Variants in NAV3 observed in about 807,000 individuals in gnomAD.
The protein encoded by NAV3 is neuron navigator 3, also known as pore membrane and/or filament interacting like protein 1.
NAV3 carries 87 observed loss-of-function variants against 244.7 expected under a neutral mutation model. That is an observed-to-expected ratio of 0.36 (90% CI 0.30 to 0.42). The LOEUF (loss-of-function observed/expected upper bound fraction) is 0.42, where lower values mean the gene tolerates loss of function less well. NAV3 is among the 20% of genes least tolerant of loss of function. The pLI, the probability that NAV3 is intolerant of heterozygous loss-of-function variation, is 1.00. For synonymous variants in NAV3, 1,126 were observed against 1,042.2 expected, an observed-to-expected ratio of 1.08 and a Z score of -1.55; for missense variants, 2,663 against 2,893.3, an observed-to-expected ratio of 0.92 and a Z score of 1.83.
intron 2 of NAV3, among the ~76,000 whole-genome samples, chr12:77,658,090 G>T (rs1873214585): frequency 1.3e-5 from 2 of 151,844 alleles, no homozygotes; most frequent in African/African-American, 4.8e-5. Flanking sequence ...TCAACATAGT[G>T]TTGGAAGTTC....
Position 77,805,234 on chromosome 12 carries a change from T to C in NAV3, c.73-135085T>C, listed in dbSNP as rs551028102. Among the ~76,000 whole-genome samples the C allele has an allele frequency of 3.3e-5, 5 of 152,318 alleles. 1 individual carries two copies. In the East Asian group the frequency reaches 7.7e-4, roughly 24 times the overall value. On this transcript the variant is annotated intron_variant, in intron 2 of 8. Coordinates refer to the NAV3 transcript ENST00000550042. ...TAGGAGTGGTGAGAGAGGGCGTCCT[T>C]TTCTTGTGCAGGTTTTCAAAGGAAA...
intron 17 of NAV3, among the ~76,000 whole-genome samples, chr12:78,127,446 T>A (rs886264900): frequency 6.6e-6 from 1 of 152,170 alleles, no homozygotes; most frequent in Non-Finnish European, 1.5e-5. Context: ...AATATCACTA[T>A]TTTGAAGAAA....
chr12:78,040,191 G>A (rs1486208936), intron 9 of NAV3, among the ~76,000 whole-genome samples: 1 of 152,004 alleles, frequency 6.6e-6, no homozygotes, highest in Non-Finnish European at 1.5e-5. Flanking sequence ...GCCTTTTGTG[G>A]GTCATTGAAA....
chr12:77,959,638 T>C (rs541583843), intron 3 of NAV3, among the ~76,000 whole-genome samples: 1 of 152,146 alleles, frequency 6.6e-6, no homozygotes, highest in Non-Finnish European at 1.5e-5. Context: ...AAAAATCAGC[T>C]AAAATGATTA....
intron 2 of NAV3, among the ~76,000 whole-genome samples, chr12:77,778,231 T>C (rs1312933274): frequency 2.1e-5 from 3 of 140,058 alleles, no homozygotes; most frequent in African/African-American, 7.8e-5. Context: ...TCCTCTCCTT[T>C]CTTCTTTCCT....
intron 2 of NAV3, among the ~76,000 whole-genome samples, chr12:77,704,051 GTGATTAATCT>G (rs771700319): frequency 2.0e-5 from 3 of 152,166 alleles, no homozygotes; most frequent in Non-Finnish European, 2.9e-5. Flanking sequence ...TTGAGCTTCT[GTGATTAATCT>G]GAGCCATAGA....
In NAV3 at chr12:78,138,532, C is replaced by T. The variant is rs167274; in HGVS notation, c.4630+1167C>T. On this transcript the variant is annotated intron_variant, in intron 19 of 39. Transcript: ENST00000397909. ...CTTTTGCAATATTAACCAAACCACTCAGTTCACTGTGACAGACAGTGAATT... is the reference window on the plus strand; with the variant it reads ...CTTTTGCAATATTAACCAAACCACTTAGTTCACTGTGACAGACAGTGAATT... Among the ~76,000 whole-genome samples, 10 of 151,994 alleles carry T rather than the reference C, an allele frequency of 6.6e-5. No homozygotes were observed. In the South Asian group the frequency reaches 8.3e-4, roughly 13 times the overall value.
At chr12:78,001,388 T>G (rs1252422760) in intron 7 of NAV3, among the ~76,000 whole-genome samples, 1 of 152,212 alleles carries the variant, frequency 6.6e-6, no homozygotes, top group Non-Finnish European at 1.5e-5. Context: ...TATACATTCT[T>G]TAACAACTCT....
chr12:77,891,572 A>G (rs751659368), intron 1 of NAV3, among the ~76,000 whole-genome samples: 1 of 152,132 alleles, frequency 6.6e-6, no homozygotes, highest in Non-Finnish European at 1.5e-5. Context: ...CCTATTATTT[A>G]TGACTTGATA....
At chr12:77,802,039 C>T (rs999415897) in intron 2 of NAV3, among the ~76,000 whole-genome samples, 21 of 152,034 alleles carry the variant, frequency 1.4e-4, no homozygotes, top group African/African-American at 5.1e-4. Context: ...TTAGGGGCCC[C>T]ATTTTGAACA....
chr12:77,782,819 A>T (rs1448820796), intron 2 of NAV3, among the ~76,000 whole-genome samples: 1 of 152,156 alleles, frequency 6.6e-6, no homozygotes. Flanking sequence ...TTTACTGCTT[A>T]TTTGGGATTT....
intron 26 of NAV3, among the ~76,000 whole-genome samples, chr12:78,176,687 G>A (rs1180983934): frequency 6.6e-6 from 1 of 152,022 alleles, no homozygotes; most frequent in African/African-American, 2.4e-5. Context: ...GTCTGGGGTT[G>A]GAAAATTTGA....
chr12:77,717,086 G>A (rs1003493893), intron 2 of NAV3, among the ~76,000 whole-genome samples: 5 of 151,910 alleles, frequency 3.3e-5, no homozygotes, highest in Non-Finnish European at 7.4e-5. Flanking sequence ...GAGAATTATC[G>A]AGCATCTCTG....
At chr12:77,930,707 T>A (rs1888700137) in intron 1 of NAV3, among the ~76,000 whole-genome samples, 1 of 152,218 alleles carries the variant, frequency 6.6e-6, no homozygotes, top group African/African-American at 2.4e-5. Context: ...TATTTTCACT[T>A]CTGATAGCCT....
chr12:77,695,306 A>G (rs1229205425), intron 2 of NAV3, among the ~76,000 whole-genome samples: 2 of 152,016 alleles, frequency 1.3e-5, no homozygotes, highest in Admixed American at 6.6e-5. Context: ...ATCTTTAATC[A>G]ATTTTGATTT....
chr12:78,164,903 A>G (rs143684138), intron 23 of NAV3, among the ~76,000 whole-genome samples: 44 of 152,224 alleles, frequency 2.9e-4, no homozygotes, highest in Non-Finnish European at 4.6e-4. Flanking sequence ...GGGATTCTCA[A>G]CAAAGTCTTT....
chr12:77,595,835 A>C (rs1870143386), intron 2 of NAV3, among the ~76,000 whole-genome samples: 1 of 152,182 alleles, frequency 6.6e-6, no homozygotes, highest in Non-Finnish European at 1.5e-5. Flanking sequence ...TAAAAATATG[A>C]AGTATATTTG....
chr12:77,693,524 T>G (rs983352889), intron 2 of NAV3, among the ~76,000 whole-genome samples: 3 of 152,066 alleles, frequency 2.0e-5, no homozygotes, highest in Non-Finnish European at 4.4e-5. Context: ...GTTTATTTTA[T>G]TGACAACTTG....
At chr12:77,639,613 T>C (rs921185282) in intron 2 of NAV3, among the ~76,000 whole-genome samples, 1 of 152,134 alleles carries the variant, frequency 6.6e-6, no homozygotes, top group Non-Finnish European at 1.5e-5. Flanking sequence ...CACACATTTA[T>C]TATTTGTCTT....
Sources: allele counts gnomAD v4.1 joint callset (sites outside exome capture counted in the v4.1 genomes callset), GRCh38; gene constraint gnomAD v4.1.1; transcripts MANE v1.5; gene names NCBI Gene and HGNC (gene_info 2026-07-23, HGNC 2026-07-21).